MBD5: variants seen among roughly 807,000 people sequenced by gnomAD.
The protein encoded by MBD5 is methyl-CpG-binding domain protein 5.
MBD5 carries 13 observed loss-of-function variants against 117.3 expected under a neutral mutation model. The observed-to-expected ratio is 0.11, with a 90% CI of 0.07 to 0.18. MBD5 has a LOEUF of 0.18. Among genes scored for constraint, MBD5 ranks in the 10% least tolerant of loss-of-function variants. The pLI is 1.00. For synonymous variants in MBD5, 727 were observed against 766.4 expected (o/e 0.95, Z 0.85); for missense variants, 1,879 against 2,093.8 (o/e 0.90, Z 2.00).
chr2:148,061,972 C>T (rs554355031), intron 1 of MBD5, among the ~76,000 whole-genome samples: 27 of 150,604 alleles, frequency 1.8e-4, no homozygotes, highest in African/African-American at 6.6e-4. Flanking sequence ...TATTCATGTA[C>T]CTTTTCTTTA....
rs1682170726 is a variant in MBD5 at position 148,510,038 on chromosome 2, G to A, written c.5037-22G>A. ...TGTTTCTTTAATTTTTTAATCTGGT[G>A]TGTTGTTTTCATTAATTCCAGAAGT... On this transcript the variant is annotated intron_variant, in intron 12 of 13. Transcript: ENST00000642680. The A allele has an allele frequency of 4.5e-6, 7 of 1,540,134 alleles. No homozygotes were observed. In the East Asian group the frequency reaches 1.6e-4, roughly 35 times the overall value.
At chr2:148,108,883 C>T (rs1696439059) in intron 1 of MBD5, among the ~76,000 whole-genome samples, 1 of 152,064 alleles carries the variant, frequency 6.6e-6, no homozygotes, top group African/African-American at 2.4e-5. Context: ...GTAGACACTT[C>T]CTAAAGAAGA....
rs187486335 is a variant in MBD5 at position 148,421,415 on chromosome 2, T to C, written c.-556-36788T>C. On this transcript the variant is annotated intron_variant, in intron 4 of 13. Coordinates refer to ENST00000642680, the MANE Select transcript of MBD5 (RefSeq NM_001378120.1). Reference sequence around the variant, plus strand: ...TGGCCCAGATATTGCGCTTTTCCCATGGTCTTTGCAACCCGCAGACCAGGA... The same window carrying C: ...TGGCCCAGATATTGCGCTTTTCCCACGGTCTTTGCAACCCGCAGACCAGGA... Among the ~76,000 whole-genome samples, 127 of 152,324 alleles carry C rather than the reference T, an allele frequency of 8.3e-4. 1 individual carries two copies. Among genetic ancestry groups the C allele is most frequent in the African/African-American group, 2.8e-3 (116 of 41,574 alleles).
At chr2:148,433,032 T>C (rs115968530) in intron 4 of MBD5, among the ~76,000 whole-genome samples, 7,799 of 152,224 alleles carry the variant, frequency 0.051, 293 homozygotes, top group South Asian at 0.092. Flanking sequence ...GTATTGTCTC[T>C]GATTTTTTTG....
At chr2:148,445,210 A>T (rs919313478) in intron 4 of MBD5, among the ~76,000 whole-genome samples, 1 of 151,204 alleles carries the variant, frequency 6.6e-6, no homozygotes, top group Non-Finnish European at 1.5e-5. Context: ...ATATGTATAC[A>T]TGTGCCATGT....
intron 3 of MBD5, among the ~76,000 whole-genome samples, chr2:148,310,407 T>C (rs1702000430): frequency 1.3e-5 from 2 of 152,216 alleles, no homozygotes; most frequent in Non-Finnish European, 2.9e-5. Flanking sequence ...ATCAATTTCT[T>C]CTACATTTTC....
chr2:148,482,930 C>G (rs1421468445), intron 8 of MBD5, among the ~76,000 whole-genome samples, 180 bp from the exon 9 acceptor site: 2 of 152,120 alleles, frequency 1.3e-5, no homozygotes, highest in African/African-American at 4.8e-5. Flanking sequence ...AGCATACATT[C>G]TAAACTTAAG....
intron 1 of MBD5, among the ~76,000 whole-genome samples, chr2:148,101,633 A>G (rs1040724306): frequency 6.6e-6 from 1 of 152,234 alleles, no homozygotes; most frequent in Non-Finnish European, 1.5e-5. Flanking sequence ...GACGTTCAGT[A>G]CTATTTTATC....
chr2:148,412,302 G>A (rs200140518), intron 4 of MBD5, among the ~76,000 whole-genome samples: 5 of 140,766 alleles, frequency 3.6e-5, no homozygotes, highest in Non-Finnish European at 6.2e-5. Flanking sequence ...GTGTGTGTGT[G>A]TAGAGAGAGA....
At chr2:148,374,845 A>G (rs1031599596) in intron 4 of MBD5, among the ~76,000 whole-genome samples, 4 of 152,164 alleles carry the variant, frequency 2.6e-5, no homozygotes, top group Non-Finnish European at 5.9e-5. Context: ...TCTCCCACAC[A>G]TGCGTATGAC....
chr2:148,489,189 A>G (rs1233731467), intron 10 of MBD5, among the ~76,000 whole-genome samples, 197 bp from the exon 11 acceptor site: 1 of 152,286 alleles, frequency 6.6e-6, no homozygotes, highest in Non-Finnish European at 1.5e-5. Flanking sequence ...TCAAAGAAAC[A>G]GCATGCAAAT....
At chr2:148,093,315 G>A (rs1206773525) in intron 1 of MBD5, among the ~76,000 whole-genome samples, 1 of 152,174 alleles carries the variant, frequency 6.6e-6, no homozygotes, top group East Asian at 1.9e-4. Context: ...ATGCTGCTTT[G>A]CTTAAACACT....
intron 2 of MBD5, among the ~76,000 whole-genome samples, chr2:148,185,813 C>T (rs1698643092): frequency 6.6e-6 from 1 of 152,118 alleles, no homozygotes; most frequent in African/African-American, 2.4e-5. Flanking sequence ...AAGAGGATTG[C>T]TTGAGCCTAG....
At chr2:148,077,774 G>GA (rs1695542400) in intron 1 of MBD5, among the ~76,000 whole-genome samples, 1 of 152,106 alleles carries the variant, frequency 6.6e-6, no homozygotes, top group Non-Finnish European at 1.5e-5. Context: ...AGTTTTTGAG[G>GA]AAAAATCTGC....
intron 2 of MBD5, among the ~76,000 whole-genome samples, chr2:148,220,210 T>G (rs985591629): frequency 4.6e-5 from 7 of 152,130 alleles, no homozygotes; most frequent in African/African-American, 1.4e-4. Context: ...AAAGAAGAGA[T>G]AATTTTAATA....
chr2:148,409,280 C>T (rs560877869), intron 4 of MBD5, among the ~76,000 whole-genome samples: 23 of 150,786 alleles, frequency 1.5e-4, no homozygotes, highest in Non-Finnish European at 2.2e-4. Flanking sequence ...CCTAGCTACT[C>T]GGGAGGCTGA....
chr2:148,480,580 A>G (rs1681118058), intron 8 of MBD5, among the ~76,000 whole-genome samples: 1 of 152,096 alleles, frequency 6.6e-6, no homozygotes, highest in Non-Finnish European at 1.5e-5. Flanking sequence ...ATATTTGTAA[A>G]GGTTTAATAA....
chr2:148,303,715 A>G (rs1288096816), intron 3 of MBD5, among the ~76,000 whole-genome samples: 1 of 152,198 alleles, frequency 6.6e-6, no homozygotes, highest in Non-Finnish European at 1.5e-5. Flanking sequence ...ATGTGGTTCA[A>G]CCTAATCAAA....
At chr2:148,213,835 C>T (rs1699487847) in intron 2 of MBD5, among the ~76,000 whole-genome samples, 1 of 88,086 alleles carries the variant, frequency 1.1e-5, no homozygotes, top group Admixed American at 1.1e-4. Context: ...ATGTCACCAA[C>T]TGTTTTTTTT....
Sources: gnomAD v4.1 joint callset for allele counts (sites outside exome capture counted in the v4.1 genomes callset) on GRCh38, gnomAD v4.1.1 for gene constraint, MANE v1.5 for transcripts, NCBI Gene and HGNC (gene_info 2026-07-23, HGNC 2026-07-21) for gene names.